Variants in KCNQ1 observed in about 807,000 individuals in gnomAD.
KCNQ1 encodes potassium voltage-gated channel subfamily KQT member 1.
A neutral mutation model predicts 72.4 loss-of-function variants in KCNQ1; 49 were observed. The ratio of observed to expected loss-of-function variants is 0.68; its 90% confidence interval spans 0.54 to 0.86. KCNQ1 has a LOEUF of 0.86. Ranked by LOEUF, KCNQ1 falls within the 40% of genes least tolerant of loss-of-function variation. The pLI, the probability that KCNQ1 is intolerant of heterozygous loss-of-function variation, is 0.00. For missense variants in KCNQ1, 790 were observed against 945.1 expected, an observed-to-expected ratio of 0.84 and a Z score of 2.15; for synonymous variants, 450 against 412.6, an observed-to-expected ratio of 1.09 and a Z score of -1.10.
intron 1 of KCNQ1, among the ~76,000 whole-genome samples, chr11:2,511,240 G>C (rs1452466068): frequency 6.6e-6 from 1 of 152,094 alleles, no homozygotes; most frequent in Non-Finnish European, 1.5e-5. Flanking sequence ...AGGAGACGTG[G>C]GGTGGGGAAG....
chr11:2,592,147 G>A lies in KCNQ1; in HGVS notation c.1393+3293G>A, dbSNP rs1005441356. 1.3e-5 allele frequency among the ~76,000 whole-genome samples: 2 copies of A among 152,222 alleles called. No homozygotes were observed. Among genetic ancestry groups the A allele is most frequent in the African/African-American group, 4.8e-5 (2 of 41,466 alleles). On this transcript the variant is annotated intron_variant, in intron 10 of 15. Coordinates refer to ENST00000155840, the MANE Select transcript of KCNQ1 (RefSeq NM_000218.3). This position sits in a 1 kb window ranked among gnomAD's most constrained non-coding sequence, Gnocchi z 5.2. ...TGCCTCAGGGCTGCTACCTGTCTGCGCCATCCACCTGCACACAAGCCCCTT... is the reference window on the plus strand; with the variant it reads ...TGCCTCAGGGCTGCTACCTGTCTGCACCATCCACCTGCACACAAGCCCCTT...
In KCNQ1 at chr11:2,498,453, C is replaced by T. The variant is rs1022109408; in HGVS notation, c.387-29475C>T. Among the ~76,000 whole-genome samples, 1 of 152,230 alleles carries T rather than the reference C, an allele frequency of 6.6e-6. No individual in the cohort carries two copies. Among genetic ancestry groups the T allele is most frequent in the African/African-American group, 2.4e-5 (1 of 41,466 alleles). ...TTGCTGTGCTTTGGTGAATTCTGCC[C>T]AGTCCAAGCCTCCCAGCCTCCTTAG... is the stretch of plus-strand genomic sequence containing the variant. On this transcript the variant is annotated intron_variant, in intron 1 of 15. Transcript: ENST00000155840. This position sits in a 1 kb window ranked among gnomAD's most constrained non-coding sequence, Gnocchi z 4.8.
rs916558779 is a variant in KCNQ1 at position 2,766,364 on chromosome 11, G to A, written c.1515-2480G>A. ...GCTGAGTGGTCTCTGTTGTCCTCAC[G>A]TGTCTGGAGCCACTGGGTTGTCAGC... On this transcript the variant is annotated intron_variant, in intron 11 of 15. Coordinates refer to ENST00000155840, the MANE Select transcript of KCNQ1 (RefSeq NM_000218.3). This position sits in a 1 kb window ranked among gnomAD's most constrained non-coding sequence, Gnocchi z 4.4. Among the ~76,000 whole-genome samples, 19 of 152,216 alleles carry A rather than the reference G, an allele frequency of 1.2e-4. No homozygotes were observed. Among genetic ancestry groups the A allele is most frequent in the African/African-American group, 3.6e-4 (15 of 41,440 alleles).
intron 12 of KCNQ1, among the ~76,000 whole-genome samples, chr11:2,775,525 A>G (rs1389586878): frequency 2.0e-5 from 3 of 152,236 alleles, no homozygotes; most frequent in African/African-American, 7.2e-5. Context: ...GAGCATGTCA[A>G]GGGTCAGTCT....
intron 10 of KCNQ1, chr11:2,630,025 C>T: frequency 2.5e-6 from 1 of 397,420 alleles, no homozygotes; most frequent in Non-Finnish European, 4.4e-6. Context: ...TTCAGCTTTT[C>T]AGCATTGAGT....
intron 10 of KCNQ1, chr11:2,638,834 G>A (rs937226295): frequency 3.9e-5 from 6 of 152,158 alleles, no homozygotes; most frequent in Non-Finnish European, 7.3e-5. Flanking sequence ...CATTCTCCCT[G>A]TCATTTTCAT....
rs1272180448 is a variant in KCNQ1, at chr11:2,491,828, GA to G, written c.387-36092del. Reference sequence around the variant, plus strand: ...AAAGAAAGGATCCTAAAAGCAGCAAGAAAAAAAAGACTTATAATTGAACTCC... The same window carrying G: ...AAAGAAAGGATCCTAAAAGCAGCAAGAAAAAAAGACTTATAATTGAACTCC... On this transcript the variant is annotated intron_variant, in intron 1 of 15. Transcript: ENST00000155840. This position sits in a 1 kb window ranked among gnomAD's most constrained non-coding sequence, Gnocchi z 4.1. 6.6e-6 allele frequency among the ~76,000 whole-genome samples: 1 copy of G among 151,118 alleles called. No homozygotes were observed. Among genetic ancestry groups the G allele is most frequent in the African/African-American group, 2.4e-5 (1 of 41,154 alleles).
At chr11:2,844,296 CTG>C (rs1372377878) in intron 15 of KCNQ1, among the ~76,000 whole-genome samples, 1 of 152,234 alleles carries the variant, frequency 6.6e-6, no homozygotes, top group Admixed American at 6.5e-5. Flanking sequence ...ATGCATCAGA[CTG>C]TGGACCCGCC....
chr11:2,696,745 T>C (rs74472063), intron 11 of KCNQ1: 4,779 of 398,588 alleles, frequency 0.012, 203 homozygotes, highest in African/African-American at 0.089. Flanking sequence ...AATAGAGTTT[T>C]AAAATTTTTT....
In KCNQ1 at chr11:2,508,912, C is replaced by T. The variant is rs1272601421; in HGVS notation, c.387-19016C>T. Among the ~76,000 whole-genome samples, 4 of 152,200 alleles carry T rather than the reference C, an allele frequency of 2.6e-5. No homozygotes were observed. The highest frequency in any genetic ancestry group is 4.4e-5 in the Non-Finnish European group (3 of 68,040). On this transcript the variant is annotated intron_variant, in intron 1 of 15. Coordinates refer to ENST00000155840, the MANE Select transcript of KCNQ1 (RefSeq NM_000218.3). The surrounding 1 kb of genome is among the most constrained non-coding windows in gnomAD (Gnocchi z 6.2). ...GGCCCTTGTGGGCACTGGAGGGCACCCTACAGTCACAGAGGCAAACGAAGA... is the reference window on the plus strand; with the variant it reads ...GGCCCTTGTGGGCACTGGAGGGCACTCTACAGTCACAGAGGCAAACGAAGA...
At position 2,764,111 on chromosome 11, in the gene KCNQ1, T is replaced by C. The variant is rs1186506902; in HGVS notation, c.1515-4733T>C. 6.6e-6 allele frequency among the ~76,000 whole-genome samples: 1 copy of C among 152,230 alleles called. No homozygotes were observed. Among genetic ancestry groups the C allele is most frequent in the Non-Finnish European group, 1.5e-5 (1 of 68,038 alleles). On this transcript the variant is annotated intron_variant, in intron 11 of 15. Transcript: ENST00000155840. The surrounding 1 kb of genome is among the most constrained non-coding windows in gnomAD (Gnocchi z 4.8). ...AGAAACGATAACATCCTTGCCTTGC[T>C]TCCTGTCTCAGGAGGAAAGCGTATC... is the stretch of plus-strand genomic sequence containing the variant.
In KCNQ1 at chr11:2,658,638, C is replaced by T. The variant is rs183838547; in HGVS notation, c.1394-3323C>T. 88 of 398,414 alleles carry T rather than the reference C, an allele frequency of 2.2e-4. No homozygotes were observed. The highest frequency in any genetic ancestry group is 1.7e-3 in the African/African-American group (81 of 48,674). 24.7% of individuals were successfully genotyped at this position (398,414 alleles called of 1,614,324 possible). ...ATCTAGGCACGGGGTATGCTCGTGG[C>T]TACTAGGGTATCATTGCTTCAGTCT... is the stretch of plus-strand genomic sequence containing the variant. On this transcript the variant is annotated intron_variant, in intron 10 of 15. Transcript: ENST00000155840. The surrounding 1 kb of genome is among the most constrained non-coding windows in gnomAD (Gnocchi z 4.9).
At chr11:2,553,649 GA>G in intron 2 of KCNQ1, among the ~76,000 whole-genome samples, 1 of 152,114 alleles carries the variant, frequency 6.6e-6, no homozygotes, top group East Asian at 1.9e-4. Context: ...ACTTGGTCAT[GA>G]TGAATTTTTA....
Position 2,778,282 on chromosome 11 carries a change from T to C in KCNQ1, c.1794+245T>C, listed in dbSNP as rs116534598. Among the ~76,000 whole-genome samples, 3,138 of 152,324 alleles carry C rather than the reference T, an allele frequency of 0.021. 112 individuals are homozygous for C. The highest frequency in any genetic ancestry group is 0.07 in the African/African-American group (2,926 of 41,580). Reference sequence around the variant, plus strand: ...TCTCATCCTCTGACAAGTGGCGTCTTTACTGGCAGGTGGCACCAAGTGCCC... The same window carrying C: ...TCTCATCCTCTGACAAGTGGCGTCTCTACTGGCAGGTGGCACCAAGTGCCC... On this transcript the variant is annotated intron_variant, in intron 15 of 15. Transcript: ENST00000155840.
At position 2,566,462 on chromosome 11, in the gene KCNQ1, C is replaced by A. The variant is rs908394021; in HGVS notation, c.478-4166C>A. ...GGTGACCTGACCTAGTTGAGCCTGGCTTTCCTCCTCTGTAAAATGTGAACA... is the reference window on the plus strand; with the variant it reads ...GGTGACCTGACCTAGTTGAGCCTGGATTTCCTCCTCTGTAAAATGTGAACA... On this transcript the variant is annotated intron_variant, in intron 2 of 15. Transcript: ENST00000155840. The surrounding 1 kb of genome is among the most constrained non-coding windows in gnomAD (Gnocchi z 6.7). Among the ~76,000 whole-genome samples the A allele has an allele frequency of 1.3e-5, 2 of 152,148 alleles. No homozygotes were observed. The highest frequency in any genetic ancestry group is 1.3e-4 in the Admixed American group (2 of 15,278).
Position 2,450,170 on chromosome 11 carries a change from C to G in KCNQ1, c.386+4686C>G, listed in dbSNP as rs534252404. Among the ~76,000 whole-genome samples, 1 of 152,312 alleles carries G rather than the reference C, an allele frequency of 6.6e-6. No individual in the cohort carries two copies. The highest frequency in any genetic ancestry group is 3.4e-3 in the Middle Eastern group (1 of 294). On this transcript the variant is annotated intron_variant, in intron 1 of 15. Transcript: ENST00000155840. The surrounding 1 kb of genome is among the most constrained non-coding windows in gnomAD (Gnocchi z 7.9). ...GCCCCTGCGATATCTTGCTGTGATT[C>G]AAGACTCTGTCCACGGGCAAGAACA...
intron 11 of KCNQ1, chr11:2,680,068 TTTTA>T: frequency 5.0e-6 from 2 of 396,216 alleles, no homozygotes; most frequent in Non-Finnish European, 4.4e-6. Context: ...TAATTTTTTT[TTTTA>T]TTAGAGACAG....
At chr11:2,610,946 GAAC>G (rs1407669595) in intron 10 of KCNQ1, 13 of 398,082 alleles carry the variant, frequency 3.3e-5, no homozygotes, top group Non-Finnish European at 5.8e-5. Context: ...ATAATTGATA[GAAC>G]AACAAGACAG....
Position 2,623,767 on chromosome 11 carries a change from C to T in KCNQ1, c.1393+34913C>T, listed in dbSNP as rs1285982589. The stretch of plus-strand genomic sequence containing the variant: ...ATTTTTATGTGAATATAAGTCTTCA[C>T]CTCCTTTGAGTAAATACCAAGGATG... On this transcript the variant is annotated intron_variant, in intron 10 of 15. Transcript: ENST00000155840. The surrounding 1 kb of genome is among the most constrained non-coding windows in gnomAD (Gnocchi z 5.2). The T allele has an allele frequency of 2.5e-6, 1 of 398,500 alleles. No homozygotes were observed. Among genetic ancestry groups the T allele is most frequent in the Non-Finnish European group, 4.4e-6 (1 of 226,020 alleles). 24.7% of individuals were successfully genotyped at this position (398,500 alleles called of 1,614,324 possible). A position where few individuals can be genotyped will look rare whatever the true frequency, so the allele number is the denominator to read the frequency against.
Sources: gnomAD v4.1 joint callset for allele counts (sites outside exome capture counted in the v4.1 genomes callset) on GRCh38, gnomAD v4.1.1 for gene constraint, Gnocchi (gnomAD v3.1) non-coding constraint, MANE v1.5 for transcripts, NCBI Gene and HGNC (gene_info 2026-07-23, HGNC 2026-07-21) for gene names.